The following SLC9A7 variants were observed in gnomAD, a reference collection of about 807,000 sequenced individuals.
The protein encoded by SLC9A7 is sodium/hydrogen exchanger 7.
SLC9A7 carries 19 observed loss-of-function variants against 52.6 expected under a neutral mutation model. That is an observed-to-expected ratio of 0.36 (90% CI 0.25 to 0.53). The LOEUF (loss-of-function observed/expected upper bound fraction) is 0.53, where lower values mean the gene tolerates loss of function less well. Ranked by LOEUF, SLC9A7 falls within the 20% of genes least tolerant of loss-of-function variation. SLC9A7 has a pLI of 0.91. For synonymous variants in SLC9A7, 226 were observed against 252.1 expected (o/e 0.90, Z 0.98); for missense variants, 455 against 597.9 (o/e 0.76, Z 2.49).
chrX:46,666,265 G>A (rs1186970918), intron 5 of SLC9A7, among the ~76,000 whole-genome samples: 2 of 111,291 alleles, frequency 1.8e-5, no homozygotes, highest in Non-Finnish European at 3.8e-5. Flanking sequence ...CACCACTATG[G>A]TCAGCTAATT....
intron 5 of SLC9A7, among the ~76,000 whole-genome samples, chrX:46,664,341 G>A (rs1943881808): frequency 8.9e-6 from 1 of 111,805 alleles, no homozygotes; most frequent in East Asian, 2.8e-4. Context: ...AAGACTGAGT[G>A]TAGTATTTTT....
rs535872465 is a variant in SLC9A7, at chrX:46,615,067, G to A, written c.1824-1673C>T. Among the ~76,000 whole-genome samples, 37 of 112,004 alleles carry A rather than the reference G, an allele frequency of 3.3e-4. No individual in the cohort carries two copies. The South Asian group carries it at 0.01, about 32-fold the overall frequency. On this transcript the variant is annotated intron_variant, in intron 15 of 16. Transcript: ENST00000616978. Reference sequence around the variant, plus strand: ...GTTTTTTGTTTTGTTTTTTTGAGACGGAGTCTCGCTCTGTTGCCAGGCTGG... The same window carrying A: ...GTTTTTTGTTTTGTTTTTTTGAGACAGAGTCTCGCTCTGTTGCCAGGCTGG...
At chrX:46,613,512 T>C in intron 15 of SLC9A7, 118 bp from the exon 16 acceptor site, 1 of 443,481 alleles carries the variant, frequency 2.3e-6, no homozygotes, top group Non-Finnish European at 3.8e-6. Context: ...ATTTTACTCG[T>C]ACAACACACG....
chrX:46,653,616 T>C lies in SLC9A7; in HGVS notation c.1140A>G (p.Gly380=). Residue 380 remains glycine, a synonymous_variant, in exon 8 of 17, where the codon GGA becomes GGG. Transcript: ENST00000616978. ...AGAGTAGAAAAAACCTACCTGTAAA[T>C]CCGCAGGCTTCTGCCAAGAGAAACG... ...WSTFLLAEAC[G]FTGVVAVLFC... is the part of the protein sequence containing the mutation. The C allele has an allele frequency of 8.3e-7, 1 of 1,205,811 alleles. No individual in the cohort carries two copies. Among genetic ancestry groups the C allele is most frequent in the Non-Finnish European group, 1.1e-6 (1 of 890,866 alleles).
At chrX:46,632,527 C>T (rs1272085509) in intron 13 of SLC9A7, among the ~76,000 whole-genome samples, 6 of 111,172 alleles carry the variant, frequency 5.4e-5, no homozygotes, top group Non-Finnish European at 1.1e-4. Flanking sequence ...GATTCTTCAT[C>T]CCCCCACAAT....
chrX:46,662,579 T>C lies in SLC9A7; in HGVS notation c.858A>G (p.Gly286=). Residue 286 remains glycine (G), a synonymous_variant, in exon 6 of 17, where the codon GGA becomes GGG. Transcript: ENST00000616978. ...CAACAGCATCATTTAGGACGCTCTC[T>C]CCAAAAAGAAGTGCGTAAAGATCCA... ...ADVDLYALLF[G]ESVLNDAVAI... is the part of the protein sequence containing the mutation. The C allele has an allele frequency of 8.3e-7, 1 of 1,210,089 alleles. No homozygotes were observed. The highest frequency in any genetic ancestry group is 1.7e-5 in the African/African-American group (1 of 57,781).
intron 1 of SLC9A7, 67 bp from the exon 2 acceptor site, chrX:46,682,602 A>G: frequency 9.9e-7 from 1 of 1,005,946 alleles, no homozygotes; most frequent in South Asian, 2.0e-5. Context: ...ATAATGGCAT[A>G]GTTGACTTTC....
chrX:46,615,665 T>C (rs1448584589), intron 15 of SLC9A7, among the ~76,000 whole-genome samples: 1 of 109,435 alleles, frequency 9.1e-6, no homozygotes, highest in Non-Finnish European at 1.9e-5. Context: ...TATACATATA[T>C]ATATATATAT....
chrX:46,672,411 A>G (rs902009815), intron 4 of SLC9A7, 140 bp downstream of exon 4: 7 of 377,482 alleles, frequency 1.9e-5, no homozygotes, highest in Non-Finnish European at 2.8e-5. Flanking sequence ...CGTGGCTAAT[A>G]GCTACCATAC....
chrX:46,631,485 G>C, intron 14 of SLC9A7, 101 bp downstream of exon 14: 21 of 637,778 alleles, frequency 3.3e-5, no homozygotes, highest in Non-Finnish European at 5.4e-5. Context: ...CGCTTCATAA[G>C]GCTGTTGTCA....
chrX:46,727,058 AGGTAG>A lies in SLC9A7; in HGVS notation c.325+31642_325+31646del, dbSNP rs762642182. Among the ~76,000 whole-genome samples the A allele has an allele frequency of 2.5e-3, 275 of 111,846 alleles. 2 individuals carry two copies. The highest frequency in any genetic ancestry group is 1.1e-3 in the Non-Finnish European group (58 of 53,094). On this transcript the variant is annotated intron_variant, in intron 1 of 16. Transcript: ENST00000616978. ...AGCATAGGAGGCCAGGGTCACTCTC[AGGTAG>A]GCCTATATCAGCCCAAGCCTTCACT...
chrX:46,652,805 C>G (rs1034893101), intron 8 of SLC9A7, among the ~76,000 whole-genome samples: 1 of 111,407 alleles, frequency 9.0e-6, no homozygotes, highest in African/African-American at 3.3e-5. Context: ...TTTCACCTCA[C>G]TAATACTATA....
chrX:46,628,973 C>T (rs188748265), intron 14 of SLC9A7, among the ~76,000 whole-genome samples: 22 of 112,613 alleles, frequency 2.0e-4, no homozygotes, highest in Admixed American at 1.3e-3. Context: ...TGCACAAGGG[C>T]GTGAGTCATT....
At chrX:46,708,467 T>A (rs149736563) in intron 1 of SLC9A7, among the ~76,000 whole-genome samples, 1,691 of 108,795 alleles carry the variant, frequency 0.016, 33 homozygotes, top group African/African-American at 0.054. Context: ...GAGGCAGAGG[T>A]TGTAGTGAGA....
chrX:46,628,430 G>A (rs904117435), intron 14 of SLC9A7, among the ~76,000 whole-genome samples: 2 of 111,514 alleles, frequency 1.8e-5, no homozygotes, highest in Non-Finnish European at 3.8e-5. Flanking sequence ...TTGTTCTAAT[G>A]AGTCAAACTT....
chrX:46,723,306 A>G (rs1316508709), intron 1 of SLC9A7, among the ~76,000 whole-genome samples: 2 of 108,173 alleles, frequency 1.8e-5, no homozygotes, highest in Non-Finnish European at 3.8e-5. Context: ...TACAAAAAAA[A>G]AAAAAAAAAA....
chrX:46,610,956 TA>T (rs1942838543), intron 16 of SLC9A7, among the ~76,000 whole-genome samples: 1 of 112,118 alleles, frequency 8.9e-6, no homozygotes, highest in African/African-American at 3.2e-5. Flanking sequence ...AAAACCCAAT[TA>T]AGATGGAAAG....
At chrX:46,745,396 G>A (rs1921663418) in intron 1 of SLC9A7, among the ~76,000 whole-genome samples, 1 of 111,578 alleles carries the variant, frequency 9.0e-6, no homozygotes, top group South Asian at 3.7e-4. Flanking sequence ...ATGTTGTAAG[G>A]TAGGCCAAAC....
At chrX:46,659,903 C>G (rs1943781829) in intron 7 of SLC9A7, among the ~76,000 whole-genome samples, 1 of 105,149 alleles carries the variant, frequency 9.5e-6, no homozygotes, top group African/African-American at 3.6e-5. Context: ...CAAAAAAGAG[C>G]CTGCATCGCC....
Sources: allele counts gnomAD v4.1 joint callset (sites outside exome capture counted in the v4.1 genomes callset), GRCh38; gene constraint gnomAD v4.1.1; transcripts MANE v1.5; gene names NCBI Gene and HGNC (gene_info 2026-07-23, HGNC 2026-07-21).